Variants in CEP128 observed in about 807,000 individuals in gnomAD.
CEP128 encodes centrosomal protein 128, also known as centrosomal protein 128kDa.
A neutral mutation model predicts 156.7 loss-of-function variants in CEP128; 132 were observed. The ratio of observed to expected loss-of-function variants is 0.84; its 90% CI spans 0.73 to 0.97. The LOEUF (loss-of-function observed/expected upper bound fraction) is 0.97, where lower values mean the gene tolerates loss of function less well. Among genes scored for constraint, CEP128 ranks in the 50% least tolerant of loss-of-function variants. CEP128 has a pLI of 0.00. For synonymous variants in CEP128, 469 were observed against 448.9 expected, an observed-to-expected ratio of 1.04 and a Z score of -0.57; for missense variants, 1,252 against 1,281.9, an observed-to-expected ratio of 0.98 and a Z score of 0.36.
chr14:80,560,114 T>C (rs1483122574), intron 20 of CEP128, among the ~76,000 whole-genome samples: 1 of 152,126 alleles, frequency 6.6e-6, no homozygotes, highest in African/African-American at 2.4e-5. Flanking sequence ...CCATTTGCCT[T>C]TGTTTTCTCT....
Position 80,903,996 on chromosome 14 carries a change from C to A in CEP128, c.480+817G>T, listed in dbSNP as rs1392855600. Among the ~76,000 whole-genome samples, 4 of 152,080 alleles carry A rather than the reference C, an allele frequency of 2.6e-5. No homozygotes were observed. In the East Asian group the frequency reaches 7.7e-4, roughly 29 times the overall value. On this transcript the variant is annotated intron_variant, in intron 6 of 24. Transcript: ENST00000555265. ...ATTAATCCCATTTCTGGATATATACCCAAAGCTACTGAAATCAGTATGTCA... is the reference window on the plus strand; with the variant it reads ...ATTAATCCCATTTCTGGATATATACACAAAGCTACTGAAATCAGTATGTCA...
At chr14:80,588,381 T>A (rs528154068) in intron 19 of CEP128, among the ~76,000 whole-genome samples, 1 of 152,070 alleles carries the variant, frequency 6.6e-6, no homozygotes, top group African/African-American at 2.4e-5. Flanking sequence ...TGGGCTTAAA[T>A]AGAGACATTT....
At chr14:80,863,248 T>C (rs1887604934) in intron 8 of CEP128, among the ~76,000 whole-genome samples, 1 of 152,194 alleles carries the variant, frequency 6.6e-6, no homozygotes. Context: ...CAATTAATGA[T>C]AAATTGTTCG....
chr14:80,914,456 T>TC (rs779617027), intron 3 of CEP128, 48 bp from the exon 4 acceptor site: 3 of 1,392,834 alleles, frequency 2.2e-6, no homozygotes, highest in East Asian at 4.6e-5. Flanking sequence ...TACTTTTTTT[T>TC]CCTAATCAAT....
downstream of CEP128, among the ~76,000 whole-genome samples, chr14:80,496,254 T>C (rs1187283980): frequency 6.6e-6 from 1 of 152,148 alleles, no homozygotes; most frequent in Non-Finnish European, 1.5e-5. Context: ...ATGATAAAAA[T>C]GCATAGCTAT....
intron 23 of CEP128, among the ~76,000 whole-genome samples, chr14:80,526,520 G>A (rs968753564): frequency 6.6e-6 from 1 of 152,094 alleles, no homozygotes; most frequent in Non-Finnish European, 1.5e-5. Context: ...TCAGTGTGGA[G>A]AGCAGCTAGA....
chr14:80,909,624 C>A (rs549208124), intron 4 of CEP128, among the ~76,000 whole-genome samples: 1 of 151,962 alleles, frequency 6.6e-6, no homozygotes, highest in Non-Finnish European at 1.5e-5. Context: ...GAAATAAAGG[C>A]GATTTTAAAT....
chr14:80,674,437 C>T (rs190625087), intron 19 of CEP128, among the ~76,000 whole-genome samples: 1 of 152,176 alleles, frequency 6.6e-6, no homozygotes, highest in African/African-American at 2.4e-5. Context: ...TGTGACATAT[C>T]CTGTGATTTC....
intron 19 of CEP128, among the ~76,000 whole-genome samples, chr14:80,619,696 C>A (rs1893391269): frequency 7.0e-6 from 1 of 143,684 alleles, no homozygotes; most frequent in Non-Finnish European, 1.5e-5. Context: ...GAGCAAAACT[C>A]TGTCTCAAGT....
chr14:80,536,609 T>A (rs1402093238), intron 21 of CEP128, among the ~76,000 whole-genome samples: 1 of 152,124 alleles, frequency 6.6e-6, no homozygotes, highest in Non-Finnish European at 1.5e-5. Flanking sequence ...AAGGGTGAGA[T>A]CATGAAATGG....
intron 8 of CEP128, among the ~76,000 whole-genome samples, chr14:80,882,431 A>C (rs1888596619): frequency 6.6e-6 from 1 of 152,138 alleles, no homozygotes. Flanking sequence ...AATGCTGGTG[A>C]GGGTATGGAA....
intron 19 of CEP128, among the ~76,000 whole-genome samples, chr14:80,630,670 C>T (rs186306878): frequency 9.7e-4 from 148 of 152,054 alleles, no homozygotes; most frequent in East Asian, 4.4e-3. Context: ...AGCCAACAAC[C>T]AAATATTTCT....
chr14:80,899,514 C>T lies in CEP128; in HGVS notation c.572+424G>A, dbSNP rs183681283. ...AACCACTGACCCTCAAAGATTTCAACTAAAAGCTAAAGTATTGGATTCTAC... is the reference window on the plus strand; with the variant it reads ...AACCACTGACCCTCAAAGATTTCAATTAAAAGCTAAAGTATTGGATTCTAC... On this transcript the variant is annotated intron_variant, in intron 7 of 24. Transcript: ENST00000555265. Among the ~76,000 whole-genome samples, 93 of 152,302 alleles carry T rather than the reference C, an allele frequency of 6.1e-4. 1 individual carries two copies. The East Asian group carries it at 0.011, about 19-fold the overall frequency.
At chr14:80,907,657 CAAAAAAAAAA>C (rs67715110) in intron 4 of CEP128, among the ~76,000 whole-genome samples, 1 of 64,644 alleles carries the variant, frequency 1.5e-5, no homozygotes, top group South Asian at 6.9e-4. Context: ...GACTCTGTTT[CAAAAAAAAAA>C]AAAAAAAAAA....
At chr14:80,657,113 C>T (rs142953584) in intron 19 of CEP128, among the ~76,000 whole-genome samples, 2 of 152,072 alleles carry the variant, frequency 1.3e-5, no homozygotes, top group African/African-American at 4.8e-5. Context: ...CAAAAATTAG[C>T]CATGCATGGT....
At chr14:80,934,434 A>G (rs1320451480) in intron 2 of CEP128, among the ~76,000 whole-genome samples, 1 of 152,220 alleles carries the variant, frequency 6.6e-6, no homozygotes, top group Non-Finnish European at 1.5e-5. Context: ...AAATCAGAAC[A>G]TCAGAGGTAC....
intron 9 of CEP128, among the ~76,000 whole-genome samples, chr14:80,850,700 T>C (rs1236819182): frequency 6.6e-6 from 1 of 152,176 alleles, no homozygotes; most frequent in Non-Finnish European, 1.5e-5. Flanking sequence ...CACACAGCTA[T>C]GTTAACATTC....
chr14:80,727,239 G>A (rs1898054012), intron 19 of CEP128, among the ~76,000 whole-genome samples: 1 of 152,156 alleles, frequency 6.6e-6, no homozygotes. Context: ...GGGGAATCAT[G>A]AGGAAGCAGT....
At chr14:80,617,487 G>A (rs540069222) in intron 19 of CEP128, among the ~76,000 whole-genome samples, 4 of 151,934 alleles carry the variant, frequency 2.6e-5, no homozygotes, top group African/African-American at 7.2e-5. Context: ...CGCCGGCCTC[G>A]GCCTCCCAAA....
Sources: gnomAD v4.1 joint callset for allele counts (sites outside exome capture counted in the v4.1 genomes callset) on GRCh38, gnomAD v4.1.1 for gene constraint, MANE v1.5 for transcripts, NCBI Gene and HGNC (gene_info 2026-07-23, HGNC 2026-07-21) for gene names.